The following GLI2 variants were observed in gnomAD, a reference collection of about 807,000 sequenced individuals.
The protein encoded by GLI2 is transcription activator GLI2.
A neutral mutation model predicts 78.9 loss-of-function variants in GLI2; 22 were observed. The observed-to-expected ratio is 0.28, with a 90% CI of 0.20 to 0.40. The LOEUF is 0.40. Among genes scored for constraint, GLI2 ranks in the 10% least tolerant of loss-of-function variants. GLI2 has a pLI of 1.00. For missense variants in GLI2, 2,097 were observed against 2,213.2 expected, an observed-to-expected ratio of 0.95 and a Z score of 1.05; for synonymous variants, 974 against 963.7, an observed-to-expected ratio of 1.01 and a Z score of -0.20.
At chr2:120,879,024 G>A (rs939317422) in intron 2 of GLI2, among the ~76,000 whole-genome samples, 4 of 152,104 alleles carry the variant, frequency 2.6e-5, no homozygotes, top group African/African-American at 9.7e-5. Context: ...CTCAGTCTGC[G>A]AGCATGGAGA....
Position 120,988,554 on chromosome 2 carries a change from C to T in GLI2, c.2589C>T (p.Asn863=). 2 of 1,501,772 alleles carry T rather than the reference C, an allele frequency of 1.3e-6. No individual in the cohort carries two copies. The highest frequency in any genetic ancestry group is 1.8e-6 in the Non-Finnish European group (2 of 1,132,224). The allele number at this position is 1,501,772 out of a possible 1,614,324, so 93.0% of individuals were successfully genotyped here. A position where few individuals can be genotyped will look rare whatever the true frequency, so the allele number is the denominator to read the frequency against. ...SQCSGGSGLL[N]LTPAQQYSLR... ...GCAGCGGCGGCTCCGGGCTGCTCAACCTCACGCCGGCGCAGCAGTACAGCC... is the reference window on the plus strand; with the variant it reads ...GCAGCGGCGGCTCCGGGCTGCTCAATCTCACGCCGGCGCAGCAGTACAGCC... The change falls in exon 14 of 14, where the codon AAC becomes AAT. Residue 863 remains asparagine (N), a synonymous_variant. Coordinates refer to ENST00000361492, the MANE Select transcript of GLI2 (RefSeq NM_001374353.1).
intron 11 of GLI2, 90 bp downstream of exon 11, chr2:120,982,970 A>C: frequency 7.6e-7 from 1 of 1,320,200 alleles, no homozygotes; most frequent in Non-Finnish European, 1.1e-6. Context: ...GTAGATAGCC[A>C]GGTGCCCCAT....
At chr2:120,865,113 A>T (rs991229862) in intron 2 of GLI2, among the ~76,000 whole-genome samples, 14 of 152,240 alleles carry the variant, frequency 9.2e-5, no homozygotes, top group African/African-American at 3.4e-4. Context: ...ATCTATGGGT[A>T]GTATCCGGGG....
chr2:120,784,435 TGGGGGTTGCA>T (rs1683936842), intron 1 of GLI2, among the ~76,000 whole-genome samples: 2 of 151,084 alleles, frequency 1.3e-5, no homozygotes, highest in Admixed American at 6.6e-5. Flanking sequence ...AGGCAGTGTC[TGGGGGTTGCA>T]GGCTTCTAGA....
chr2:120,979,178 A>C (rs574330566), intron 10 of GLI2, among the ~76,000 whole-genome samples: 3 of 152,156 alleles, frequency 2.0e-5, no homozygotes, highest in East Asian at 3.9e-4. Context: ...GGGTTTTGCC[A>C]TGTTGCTCTT....
chr2:120,960,039 T>G (rs927309120), intron 5 of GLI2, among the ~76,000 whole-genome samples: 1 of 152,202 alleles, frequency 6.6e-6, no homozygotes. Flanking sequence ...TCTCTCTGCC[T>G]TTCTCTGTCG....
At chr2:120,906,181 G>C (rs542320130) in intron 2 of GLI2, among the ~76,000 whole-genome samples, 1 of 152,310 alleles carries the variant, frequency 6.6e-6, no homozygotes, top group South Asian at 2.1e-4. Flanking sequence ...GGGCCCCTGG[G>C]GTGACCAGGA....
At chr2:120,905,323 C>A (rs953814596) in intron 2 of GLI2, among the ~76,000 whole-genome samples, 2 of 152,140 alleles carry the variant, frequency 1.3e-5, no homozygotes, top group African/African-American at 2.4e-5. Context: ...AGTGGGGGTG[C>A]CTGTCCCTGT....
At chr2:120,936,013 G>C (rs967897020) in intron 3 of GLI2, among the ~76,000 whole-genome samples, 3 of 151,738 alleles carry the variant, frequency 2.0e-5, no homozygotes, top group African/African-American at 7.3e-5. Flanking sequence ...GGCGTGCAGT[G>C]GGGGAGGGGC....
At chr2:120,886,159 AGTGTGTGTGTGTGTGTGTGT>A (rs532891541) in intron 2 of GLI2, among the ~76,000 whole-genome samples, 8 of 116,752 alleles carry the variant, frequency 6.9e-5, no homozygotes, top group East Asian at 2.6e-4. Flanking sequence ...ATTTTTCCAA[AGTGTGTGTGTGTGTGTGTGT>A]GTGTGTGTGT....
chr2:120,876,408 T>C (rs2104694719), intron 2 of GLI2, among the ~76,000 whole-genome samples: 1 of 152,170 alleles, frequency 6.6e-6, no homozygotes, highest in East Asian at 1.9e-4. Context: ...TTCTTAAACA[T>C]CCAAAATGGT....
chr2:120,986,184 G>T (rs1012284072), intron 12 of GLI2, 94 bp from the exon 13 acceptor site: 78 of 1,116,930 alleles, frequency 7.0e-5, no homozygotes, highest in Admixed American at 1.5e-4. Context: ...CCCTCAGGGT[G>T]GGCGAGGGTG....
At chr2:120,836,945 T>C (rs1414971721) in intron 2 of GLI2, among the ~76,000 whole-genome samples, 3 of 152,226 alleles carry the variant, frequency 2.0e-5, no homozygotes, top group Admixed American at 6.5e-5. Context: ...AGTCTAATAG[T>C]GAATGATCTT....
chr2:120,956,036 A>G (rs776557836), intron 5 of GLI2, among the ~76,000 whole-genome samples: 2 of 152,112 alleles, frequency 1.3e-5, no homozygotes, highest in African/African-American at 2.4e-5. Context: ...ACTGGAGATG[A>G]GGCTGGGCAG....
intron 2 of GLI2, among the ~76,000 whole-genome samples, chr2:120,915,916 C>T (rs1217930741): frequency 4.6e-5 from 7 of 152,192 alleles, no homozygotes; most frequent in Admixed American, 1.3e-4. Context: ...CCCCCACTCC[C>T]GCCTCTCTGA....
At chr2:120,872,784 T>C (rs1688532612) in intron 2 of GLI2, among the ~76,000 whole-genome samples, 1 of 152,222 alleles carries the variant, frequency 6.6e-6, no homozygotes, top group Admixed American at 6.5e-5. Flanking sequence ...AAATGAGCTC[T>C]TGTGCTTGAA....
intron 2 of GLI2, among the ~76,000 whole-genome samples, chr2:120,902,065 G>A (rs534118878): frequency 6.6e-6 from 1 of 152,004 alleles, no homozygotes; most frequent in African/African-American, 2.4e-5. Flanking sequence ...TGTGAGAGCT[G>A]GTTCTACGCA....
chr2:120,962,635 C>T (rs1267980110), intron 5 of GLI2, among the ~76,000 whole-genome samples: 2 of 152,192 alleles, frequency 1.3e-5, no homozygotes. Context: ...GATGAATACT[C>T]CATGTTCCCG....
At chr2:120,972,597 C>G in intron 8 of GLI2, 9 of 516,474 alleles carry the variant, frequency 1.7e-5, no homozygotes, top group South Asian at 1.3e-4. Flanking sequence ...GTCTCCCTGT[C>G]TGCACTCTAA....
Sources: gnomAD v4.1 joint callset for allele counts (sites outside exome capture counted in the v4.1 genomes callset) on GRCh38, gnomAD v4.1.1 for gene constraint, MANE v1.5 for transcripts, NCBI Gene and HGNC (gene_info 2026-07-23, HGNC 2026-07-21) for gene names.